PSMA1: variants seen among roughly 807,000 people sequenced by gnomAD.
The protein encoded by PSMA1 is proteasome subunit alpha type-1.
A neutral mutation model predicts 38.4 loss-of-function variants in PSMA1; 3 were observed. The ratio of observed to expected loss-of-function variants is 0.08; its 90% CI spans 0.04 to 0.20. The LOEUF (loss-of-function observed/expected upper bound fraction) is 0.20, where lower values mean the gene tolerates loss of function less well. Ranked by LOEUF, PSMA1 falls within the 10% of genes least tolerant of loss-of-function variation. PSMA1 has a pLI of 1.00. For synonymous variants in PSMA1, 101 were observed against 107.1 expected (o/e 0.94, Z 0.35); for missense variants, 227 against 325.3 (o/e 0.70, Z 2.32).
intron 2 of PSMA1, among the ~76,000 whole-genome samples, chr11:14,572,052 T>C (rs372145580): frequency 3.7e-4 from 56 of 152,124 alleles, no homozygotes; most frequent in African/African-American, 1.3e-3. Context: ...TAGACTCCCA[T>C]ACAATAATAA....
rs1053191659 is a variant in PSMA1 at position 14,532,044 on chromosome 11, C to T, written c.22-13003G>A. Among the ~76,000 whole-genome samples the T allele has an allele frequency of 3.3e-5, 5 of 152,080 alleles. No homozygotes were observed. The South Asian group carries it at 1.0e-3, about 32-fold the overall frequency. ...CTTTGGAGAGTGCATCTGATTCTTG[C>T]TGAGACTCTGACTAATATAATACCA... On this transcript the variant is annotated intron_variant, in intron 2 of 10. Coordinates refer to the PSMA1 transcript ENST00000418988.
At chr11:14,530,589 C>T (rs1284364712) in intron 2 of PSMA1, among the ~76,000 whole-genome samples, 2 of 152,088 alleles carry the variant, frequency 1.3e-5, no homozygotes, top group Admixed American at 6.6e-5. Flanking sequence ...CACACTGACT[C>T]GATGCTCAAT....
intron 2 of PSMA1, among the ~76,000 whole-genome samples, chr11:14,606,536 T>A (rs777130228): frequency 1.3e-5 from 2 of 151,948 alleles, no homozygotes; most frequent in Non-Finnish European, 2.9e-5. Flanking sequence ...AAATCCAGGA[T>A]AAATAAATGC....
At position 14,534,543 on chromosome 11, in the gene PSMA1, G is replaced by A. The variant is rs568265878; in HGVS notation, c.22-15502C>T. ...TCTGTTGCCCAGGCTGGAGTGCAGT[G>A]GTGTGATCAAAGTTCACTCCTGGGC... On this transcript the variant is annotated intron_variant, in intron 2 of 10. Coordinates refer to the PSMA1 transcript ENST00000418988. The surrounding 1 kb of genome is among the most constrained non-coding windows in gnomAD (Gnocchi z 4.5). Among the ~76,000 whole-genome samples, 1 of 152,154 alleles carries A rather than the reference G, an allele frequency of 6.6e-6. No homozygotes were observed. The highest frequency in any genetic ancestry group is 2.4e-5 in the African/African-American group (1 of 41,526).
At chr11:14,642,298 C>A (rs934974585) in intron 1 of PSMA1, among the ~76,000 whole-genome samples, 1 of 152,094 alleles carries the variant, frequency 6.6e-6, no homozygotes, top group African/African-American at 2.4e-5. Flanking sequence ...CTATGCACAT[C>A]ATATAAAAAA....
chr11:14,522,970 A>G (rs191279703), upstream of PSMA1, among the ~76,000 whole-genome samples: 2 of 152,328 alleles, frequency 1.3e-5, no homozygotes, highest in Non-Finnish European at 1.5e-5. Context: ...GTAGGCACTC[A>G]CTAAACATTT....
Position 14,505,141 on chromosome 11 carries a change from G to A in PSMA1, c.*51C>T, listed in dbSNP as rs1292404266. On this transcript the variant is annotated 3_prime_UTR_variant, in exon 10 of 10. Transcript: ENST00000396394. Reference sequence around the variant, plus strand: ...TATAGATTATTGTCATCAGTATGTGGTGCCTGTATTCTTACATATTTGATA... The same window carrying A: ...TATAGATTATTGTCATCAGTATGTGATGCCTGTATTCTTACATATTTGATA... The A allele has an allele frequency of 6.9e-7, 1 of 1,449,446 alleles. No individual in the cohort carries two copies. Among genetic ancestry groups the A allele is most frequent in the Non-Finnish European group, 9.7e-7 (1 of 1,030,876 alleles). The allele number at this position is 1,449,446 out of a possible 1,614,324, so 89.8% of individuals were successfully genotyped here.
intron 2 of PSMA1, among the ~76,000 whole-genome samples, chr11:14,542,140 A>C (rs938942613): frequency 6.6e-6 from 1 of 152,228 alleles, no homozygotes; most frequent in Non-Finnish European, 1.5e-5. Flanking sequence ...ACCATGGTTA[A>C]AACTTTTAAA....
rs1377408753 is a variant in PSMA1, at chr11:14,520,375, C to A, written c.-76G>T. 4 of 1,613,870 alleles carry A rather than the reference C, an allele frequency of 2.5e-6. No homozygotes were observed. Among genetic ancestry groups the A allele is most frequent in the Non-Finnish European group, 3.4e-6 (4 of 1,179,924 alleles). The stretch of plus-strand genomic sequence containing the variant: ...AGGTGCTGCCGAAAGTATCGCTCAG[C>A]GATCTACAGAGAAGTCTGCGGGAGT... On this transcript the variant is annotated 5_prime_UTR_variant, in exon 1 of 10. Coordinates refer to ENST00000396394, the MANE Select transcript of PSMA1 (RefSeq NM_002786.4).
chr11:14,551,362 G>A (rs1851882448), intron 2 of PSMA1, among the ~76,000 whole-genome samples: 1 of 152,136 alleles, frequency 6.6e-6, no homozygotes, highest in Non-Finnish European at 1.5e-5. Flanking sequence ...TAATTTACTG[G>A]AACAGATCTA....
At chr11:14,547,460 T>G (rs913138822) in intron 2 of PSMA1, among the ~76,000 whole-genome samples, 12 of 152,244 alleles carry the variant, frequency 7.9e-5, no homozygotes, top group African/African-American at 2.9e-4. Flanking sequence ...TGACTCTCTC[T>G]GGAAAATCCA....
At chr11:14,613,811 T>G (rs565130966) in intron 1 of PSMA1, among the ~76,000 whole-genome samples, 2 of 152,324 alleles carry the variant, frequency 1.3e-5, no homozygotes, top group African/African-American at 4.8e-5. Flanking sequence ...GTCTAAATAA[T>G]TCTGGCATCT....
At chr11:14,568,567 C>T (rs1258651568) in intron 2 of PSMA1, among the ~76,000 whole-genome samples, 1 of 152,218 alleles carries the variant, frequency 6.6e-6, no homozygotes, top group African/African-American at 2.4e-5. Flanking sequence ...ACCACAACTA[C>T]CAGTCACTCA....
intron 4 of PSMA1, among the ~76,000 whole-genome samples, chr11:14,517,130 TTC>T (rs1851443253): frequency 2.0e-5 from 3 of 152,194 alleles, no homozygotes; most frequent in African/African-American, 7.2e-5. Context: ...ACAGAAATTT[TTC>T]TGTTATATTA....
intron 2 of PSMA1, among the ~76,000 whole-genome samples, chr11:14,557,796 T>C (rs1432099218): frequency 6.6e-6 from 1 of 152,122 alleles, no homozygotes; most frequent in African/African-American, 2.4e-5. Context: ...CATTTGACAA[T>C]AGTATGTTGG....
upstream of PSMA1, among the ~76,000 whole-genome samples, chr11:14,521,258 G>T (rs1851523030): frequency 6.7e-6 from 1 of 149,314 alleles, no homozygotes; most frequent in African/African-American, 2.5e-5. Flanking sequence ...AGGAGTTTGA[G>T]ATCACTATAT....
At position 14,519,028 on chromosome 11, in the gene PSMA1, T is replaced by C; in HGVS notation, c.17A>G (p.Tyr6Cys). The C allele has an allele frequency of 1.9e-6, 3 of 1,592,012 alleles. No individual in the cohort carries two copies. The highest frequency in any genetic ancestry group is 1.4e-5 in the African/African-American group (1 of 73,930). The change falls in exon 2 of 10, where the codon TAT (tyrosine) becomes TGT (cysteine). Residue 6 changes from tyrosine to cysteine, a missense_variant. Transcript: ENST00000396394. ...GCTCCAAACAGTGACATCATTGTCA[T>C]ACTGATTTCGAAACTAAAAGTAAAA... MFRNQ[Y>C]DNDVTVWSPQ...
At chr11:14,593,853 C>G (rs1852452240) in intron 2 of PSMA1, among the ~76,000 whole-genome samples, 1 of 152,170 alleles carries the variant, frequency 6.6e-6, no homozygotes, top group Non-Finnish European at 1.5e-5. Context: ...TTCCTCTTTT[C>G]TAACAGAACA....
At chr11:14,574,422 G>A (rs574297038) in intron 2 of PSMA1, among the ~76,000 whole-genome samples, 8 of 152,170 alleles carry the variant, frequency 5.3e-5, no homozygotes, top group Non-Finnish European at 8.8e-5. Context: ...GCTTTCACAC[G>A]GTGTTAAGCC....
Sources: allele counts gnomAD v4.1 joint callset (sites outside exome capture counted in the v4.1 genomes callset), GRCh38; gene constraint gnomAD v4.1.1; non-coding constraint Gnocchi (gnomAD v3.1); transcripts MANE v1.5; gene names NCBI Gene and HGNC (gene_info 2026-07-23, HGNC 2026-07-21).